POU5F1B: variants seen among roughly 807,000 people sequenced by gnomAD.
POU5F1B encodes POU domain, class 5, transcription factor 1B.
POU5F1B carries 24 observed loss-of-function variants against 28.1 expected under a neutral mutation model. The observed-to-expected ratio is 0.85, with a 90% CI of 0.62 to 1.20. The LOEUF is 1.20. Ranked by LOEUF, POU5F1B falls within the 50% of genes most tolerant of loss-of-function variation. The probability of loss-of-function intolerance (pLI) is 0.00; values close to 1 mark genes in which losing one functional copy is unlikely to be tolerated. For synonymous variants in POU5F1B, 220 were observed against 193.2 expected (o/e 1.14, Z -1.15); for missense variants, 451 against 451.5 (o/e 1.00, Z 0.01).
chr8:127,416,060 C>G (rs1338968285), exon 3 of POU5F1B: 1 of 1,610,794 alleles, frequency 6.2e-7, no homozygotes, highest in African/African-American at 1.3e-5. Flanking sequence ...CCTTGCCCCC[C>G]GCCGTATGAG....
At chr8:127,414,543 T>C (rs536958896) in intron 1 of POU5F1B, among the ~76,000 whole-genome samples, 12 of 152,258 alleles carry the variant, frequency 7.9e-5, no homozygotes, top group Non-Finnish European at 1.5e-4. Flanking sequence ...TCTCATTTTA[T>C]GGTTGAGAAA....
At chr8:127,417,070 T>A (rs9297755) in exon 3 of POU5F1B, 839,614 of 1,335,672 alleles carry the variant, frequency 0.63, 266,109 homozygotes, top group East Asian at 0.79. Context: ...TTGGGAACAC[T>A]AAGGGTGGGG....
chr8:127,416,011 C>G, exon 3 of POU5F1B: 1 of 1,597,898 alleles, frequency 6.3e-7, no homozygotes, highest in East Asian at 2.3e-5. Context: ...AGGAATCGGG[C>G]CGGGGGTTGG....
intron 1 of POU5F1B, among the ~76,000 whole-genome samples, chr8:127,414,184 A>T (rs1353507118): frequency 6.6e-6 from 1 of 152,262 alleles, no homozygotes; most frequent in Non-Finnish European, 1.5e-5. Flanking sequence ...AGACTGAAGG[A>T]GAACGTTTAA....
exon 3 of POU5F1B, chr8:127,415,802 T>C (rs1169751164): frequency 1.4e-5 from 20 of 1,460,652 alleles, no homozygotes; most frequent in Non-Finnish European, 1.8e-5. Flanking sequence ...TCACAGAGCT[T>C]TCAATGAAAA....
chr8:127,416,834 G>A, exon 3 of POU5F1B: 2 of 1,603,494 alleles, frequency 1.2e-6, no homozygotes, highest in Non-Finnish European at 1.7e-6. Context: ...GGTACCCCAG[G>A]CTATGGGAGC....
chr8:127,416,127 A>T (rs1023834179), exon 3 of POU5F1B: 5 of 1,613,492 alleles, frequency 3.1e-6, no homozygotes, highest in Non-Finnish European at 4.2e-6. Context: ...TAGTGCCCCA[A>T]GGCGGCTTGG....
exon 3 of POU5F1B, chr8:127,416,986 G>A (rs1382963449): frequency 1.3e-6 from 2 of 1,578,248 alleles, no homozygotes; most frequent in Admixed American, 1.8e-5. Flanking sequence ...GGGGAGGGGA[G>A]GAGCTAGGGA....
At chr8:127,415,946 C>A in exon 3 of POU5F1B, 1 of 1,565,882 alleles carries the variant, frequency 6.4e-7, no homozygotes, top group East Asian at 2.4e-5. Flanking sequence ...GGGGCGGAGC[C>A]GGGCTGGGTT....
chr8:127,416,676 G>A, exon 3 of POU5F1B: 1 of 1,607,348 alleles, frequency 6.2e-7, no homozygotes, highest in South Asian at 1.1e-5. Context: ...GGCTCGAGAA[G>A]GATGTGGTCC....
chr8:127,414,797 T>C (rs1815106439), intron 1 of POU5F1B: 2 of 152,244 alleles, frequency 1.3e-5, no homozygotes, highest in South Asian at 4.1e-4. Context: ...TCACTTCTAA[T>C]GAATAAAATA....
chr8:127,415,722 GTCAACATTTAATGA>G, exon 3 of POU5F1B: 13 of 1,322,436 alleles, frequency 9.8e-6, no homozygotes, highest in Non-Finnish European at 1.3e-5. Context: ...AACACATTCA[GTCAACATTTAATGA>G]TGCTTCAGGC....
chr8:127,416,214 C>A (rs775999702), exon 3 of POU5F1B: 2 of 1,613,828 alleles, frequency 1.2e-6, no homozygotes, highest in South Asian at 2.2e-5. Flanking sequence ...AACCCTGCAC[C>A]GTCCCCCCTG....
chr8:127,416,898 T>A (rs1225615571), exon 3 of POU5F1B: 9 of 1,599,820 alleles, frequency 5.6e-6, no homozygotes, highest in African/African-American at 1.3e-5. Flanking sequence ...GGGAAGTCTT[T>A]CCCCCAGTCT....
chr8:127,417,207 A>AAAAG (rs1321136478), exon 3 of POU5F1B: 7 of 236,876 alleles, frequency 3.0e-5, no homozygotes, highest in East Asian at 6.3e-5. Context: ...AAAAAAAAAA[A>AAAAG]AAAGAAAGAA....
At chr8:127,413,598 C>G (rs1446532504) in intron 1 of POU5F1B, among the ~76,000 whole-genome samples, 1 of 152,192 alleles carries the variant, frequency 6.6e-6, no homozygotes, top group Non-Finnish European at 1.5e-5. Flanking sequence ...GTTCAGGTCA[C>G]AAAATCTAGC....
chr8:127,417,100 C>G, exon 3 of POU5F1B: 1 of 1,068,906 alleles, frequency 9.4e-7, no homozygotes, highest in Non-Finnish European at 1.3e-6. Flanking sequence ...TTTGGGGCAA[C>G]TGGTTGGAGG....
At chr8:127,414,447 A>G (rs1353299941) in intron 1 of POU5F1B, among the ~76,000 whole-genome samples, 1 of 152,238 alleles carries the variant, frequency 6.6e-6, no homozygotes, top group Non-Finnish European at 1.5e-5. Context: ...CCCACTGCTT[A>G]AACACTTACC....
intron 2 of POU5F1B, chr8:127,415,355 A>G (rs1563683562): frequency 6.5e-6 from 1 of 153,866 alleles, no homozygotes; most frequent in Admixed American, 6.5e-5. Context: ...GTCACCAACT[A>G]TAAAGAATTA....
Sources: gnomAD v4.1 joint callset for allele counts (sites outside exome capture counted in the v4.1 genomes callset) on GRCh38, gnomAD v4.1.1 for gene constraint, MANE v1.5 for transcripts, NCBI Gene and HGNC (gene_info 2026-07-23, HGNC 2026-07-21) for gene names.